The following IRX2 variants were observed in gnomAD, a reference collection of about 807,000 sequenced individuals.
IRX2 encodes iroquois-class homeodomain protein IRX-2.
Under a neutral mutation model 42.9 loss-of-function variants are expected in IRX2, and 26 were observed. That is an observed-to-expected ratio of 0.61 (90% confidence interval 0.44 to 0.84). IRX2 has a LOEUF of 0.84. IRX2 is among the 40% of genes least tolerant of loss of function. The probability of loss-of-function intolerance (pLI) is 0.00; values close to 1 mark genes in which losing one functional copy is unlikely to be tolerated. For synonymous variants in IRX2, 424 were observed against 353.9 expected (o/e 1.20, Z -2.22); for missense variants, 782 against 713.9 (o/e 1.10, Z -1.09).
Position 2,749,754 on chromosome 5 carries a change from T to A in IRX2, c.283A>T (p.Thr95Ser). Residue 95 changes from threonine (T) to serine (S), a missense_variant, in exon 2 of 4, where the codon ACC becomes TCC. This residue lies in a region of IRX2 where 256 missense variants were observed against 250.0 expected (regional missense o/e 1.02). Transcript: ENST00000302057. The stretch of plus-strand genomic sequence containing the variant: ...TACGGGTGGTAGCTGATGGCGCCGG[T>A]CATGCCGGTGGTGTGCGCGTCGTAG... ...APYDAHTTGMTGAISYHPYGS... is the reference protein window; with the variant it reads ...APYDAHTTGMSGAISYHPYGS... The A allele has an allele frequency of 6.2e-7, 1 of 1,612,272 alleles. No homozygotes were observed. Among genetic ancestry groups the A allele is most frequent in the Non-Finnish European group, 8.5e-7 (1 of 1,179,266 alleles).
chr5:2,741,867 A>G (rs1248700554), downstream of IRX2, among the ~76,000 whole-genome samples: 4 of 152,240 alleles, frequency 2.6e-5, no homozygotes, highest in Non-Finnish European at 5.9e-5. Context: ...TTTTAAAAAT[A>G]CTTTTATTAT....
At chr5:2,737,890 G>A in the IRX2 span, 1 of 152,118 alleles carries the variant, frequency 6.6e-6, no homozygotes. Context: ...TTTTCCTGAC[G>A]TCAAAGTAAC....
At chr5:2,750,863 C>T (rs879316088) in intron 1 of IRX2, among the ~76,000 whole-genome samples, 165 of 152,308 alleles carry the variant, frequency 1.1e-3, no homozygotes, top group Non-Finnish European at 1.8e-3. Context: ...GGCGCCAGAC[C>T]CCGGCCCCGG....
the IRX2 span, chr5:2,737,691 C>A: frequency 6.6e-6 from 1 of 152,350 alleles, no homozygotes; most frequent in South Asian, 2.1e-4. Context: ...GGGTGTTCAC[C>A]CATCGTACTC....
Position 2,749,627 on chromosome 5 carries a change from C to A in IRX2, c.410G>T (p.Arg137Leu), listed in dbSNP as rs548447673. The part of the protein sequence containing the change: ...ATLKAWLNEH[R>L]KNPYPTKGEK... ...GCCCTTGGTGGGGTAGGGGTTCTTG[C>A]GGTGCTCGTTGAGCCAGGCCTTGAG... The change falls in exon 2 of 4, where the codon CGC becomes CTC. Residue 137 changes from arginine to leucine, a missense_variant. This residue lies in a region of IRX2 where 256 missense variants were observed against 250.0 expected (regional missense o/e 1.02). Transcript: ENST00000302057. 2.5e-6 allele frequency: 4 copies of A among 1,614,216 alleles called. No individual in the cohort carries two copies. The highest frequency in any genetic ancestry group is 2.7e-5 in the African/African-American group (2 of 75,056).
intron 2 of IRX2, 151 bp from the exon 3 acceptor site, chr5:2,749,203 C>G: frequency 6.9e-7 from 1 of 1,452,416 alleles, no homozygotes; most frequent in African/African-American, 1.4e-5. Context: ...CCTGACCTCC[C>G]CGGGAAGGGC....
chr5:2,740,095 CCCT>C, the IRX2 span, among the ~76,000 whole-genome samples: 4 of 152,120 alleles, frequency 2.6e-5, no homozygotes, highest in Admixed American at 2.6e-4. Context: ...ACTGGGTTTC[CCCT>C]CCAGGGCACC....
Position 2,748,615 on chromosome 5 carries a change from C to T in IRX2, c.1093G>A (p.Ala365Thr). ...PAAAAPASTG[A>T]PPGGSPYPAS... Reference sequence around the variant, plus strand: ...GGGTAGGGCGAGCCTCCTGGCGGTGCCCCGGTTGAGGCCGGCGCGGCGGCC... The same window carrying T: ...GGGTAGGGCGAGCCTCCTGGCGGTGTCCCGGTTGAGGCCGGCGCGGCGGCC... The change falls in exon 3 of 4, where the codon GCA (alanine) becomes ACA (threonine). Residue 365 changes from alanine (A) to threonine (T), a missense_variant. Ala to Thr is a moderately conservative substitution (Grantham distance 58, BLOSUM62 0). Transcript: ENST00000302057. 6.6e-7 allele frequency: 1 copy of T among 1,522,284 alleles called. No individual in the cohort carries two copies. The highest frequency in any genetic ancestry group is 8.8e-7 in the Non-Finnish European group (1 of 1,138,332). 94.3% of individuals were successfully genotyped at this position (1,522,284 alleles called of 1,614,324 possible). A position where few individuals can be genotyped will look rare whatever the true frequency, so the allele number is the denominator to read the frequency against.
downstream of IRX2, among the ~76,000 whole-genome samples, chr5:2,744,850 C>G (rs1239588412): frequency 1.3e-5 from 2 of 152,252 alleles, no homozygotes; most frequent in Admixed American, 1.3e-4. Flanking sequence ...TTCTGCCCCC[C>G]TTCTCCACAG....
At position 2,747,007 on chromosome 5, in the gene IRX2, G is replaced by A. The variant is rs1261797222; in HGVS notation, c.*557C>T. 3 of 152,098 alleles carry A rather than the reference G, an allele frequency of 2.0e-5. No homozygotes were observed. Among genetic ancestry groups the A allele is most frequent in the Admixed American group, 2.0e-4 (3 of 15,268 alleles). The allele number at this position is 152,098 out of a possible 1,614,324, so 9.4% of individuals were successfully genotyped here. On this transcript the variant is annotated 3_prime_UTR_variant, in exon 4 of 4. Coordinates refer to ENST00000302057, the MANE Select transcript of IRX2 (RefSeq NM_033267.5). ...TCCACTTGGACATGGGTGGAGGGGA[G>A]GTTGGACAGGGCTGATAAAAGACTA...
chr5:2,743,193 T>C (rs1737579772), downstream of IRX2, among the ~76,000 whole-genome samples: 1 of 152,102 alleles, frequency 6.6e-6, no homozygotes, highest in Non-Finnish European at 1.5e-5. Context: ...GCTGCCCCTC[T>C]AGGCCCCAGC....
Position 2,748,943 on chromosome 5 carries a change from C to A in IRX2, c.765G>T (p.Glu255Asp), listed in dbSNP as rs76906087. The A allele has an allele frequency of 0.15, 241,521 of 1,596,950 alleles. 20,408 individuals are homozygous for A. The highest frequency in any genetic ancestry group is 0.27 in the South Asian group (24,697 of 90,852). ...AGDPLCESGS[E>D]CKDKYDDLED... The stretch of plus-strand genomic sequence containing the variant: ...CCAGGTCGTCATACTTGTCCTTGCA[C>A]TCCGAGCCCGATTCGCACAGGGGGT... Residue 255 changes from glutamate (E) to aspartate (D), a missense_variant, in exon 3 of 4, where the codon GAG (glutamate) becomes GAT (aspartate). By Grantham distance (45) the Glu-to-Asp change is conservative. Transcript: ENST00000302057.
intron 3 of IRX2, among the ~76,000 whole-genome samples, chr5:2,748,127 T>C (rs1737746630): frequency 6.6e-6 from 1 of 152,106 alleles, no homozygotes; most frequent in African/African-American, 2.4e-5. Context: ...TAACAGTAAA[T>C]TAAGTAAAAA....
downstream of IRX2, among the ~76,000 whole-genome samples, chr5:2,741,661 A>G (rs916534759): frequency 1.3e-5 from 2 of 152,244 alleles, no homozygotes; most frequent in East Asian, 3.8e-4. Flanking sequence ...AGTCACACAC[A>G]ATAAATTGTC....
chr5:2,739,818 C>T, the IRX2 span, among the ~76,000 whole-genome samples: 1 of 152,230 alleles, frequency 6.6e-6, no homozygotes, highest in South Asian at 2.1e-4. Flanking sequence ...CCGACCACCA[C>T]GGGAGCAGGG....
the IRX2 span, among the ~76,000 whole-genome samples, chr5:2,740,476 G>A: frequency 2.6e-5 from 4 of 152,224 alleles, no homozygotes; most frequent in African/African-American, 7.2e-5. Flanking sequence ...GCCGCGCTTG[G>A]GGAGACTGCA....
chr5:2,748,305 T>C, intron 3 of IRX2, 40 bp downstream of exon 3: 1 of 1,371,672 alleles, frequency 7.3e-7, no homozygotes, highest in South Asian at 1.7e-5. Context: ...GGGCTGGCTC[T>C]CCCTCCCCTC....
Position 2,750,981 on chromosome 5 carries a change from G to T in IRX2, c.249+184C>A, listed in dbSNP as rs888617936. On this transcript the variant is annotated intron_variant, in intron 1 of 3. Transcript: ENST00000302057. ...GCTCAGGGACGTCCCCGCCTGCCGCGCTGCCCTCCCCACCCGGGGCCCGGC... is the reference window on the plus strand; with the variant it reads ...GCTCAGGGACGTCCCCGCCTGCCGCTCTGCCCTCCCCACCCGGGGCCCGGC... Among the ~76,000 whole-genome samples, 17 of 151,706 alleles carry T rather than the reference G, an allele frequency of 1.1e-4. 1 individual carries two copies. The highest frequency in any genetic ancestry group is 1.1e-3 in the Admixed American group (16 of 15,214).
In IRX2 at chr5:2,748,955, T is replaced by G; in HGVS notation, c.753A>C (p.Glu251Asp). ...LPCRAGDPLC[E>D]SGSECKDKYD... ...ACTTGTCCTTGCACTCCGAGCCCGA[T>G]TCGCACAGGGGGTCCCCGGCGCGGC... Residue 251 changes from glutamate to aspartate, a missense_variant, in exon 3 of 4, where the codon GAA becomes GAC. Glu to Asp is a conservative substitution (Grantham distance 45, BLOSUM62 2). Coordinates refer to ENST00000302057, the MANE Select transcript of IRX2 (RefSeq NM_033267.5). 6.3e-7 allele frequency: 1 copy of G among 1,596,732 alleles called. No homozygotes were observed. Among genetic ancestry groups the G allele is most frequent in the Non-Finnish European group, 8.5e-7 (1 of 1,179,336 alleles).
Sources: gnomAD v4.1 joint callset for allele counts (sites outside exome capture counted in the v4.1 genomes callset) on GRCh38, gnomAD v4.1.1 for gene constraint, gnomAD v4.1.1 regional missense constraint, MANE v1.5 for transcripts, NCBI Gene and HGNC (gene_info 2026-07-23, HGNC 2026-07-21) for gene names.